MAF: variants seen among roughly 807,000 people sequenced by gnomAD.
The protein encoded by MAF is transcription factor Maf.
A neutral mutation model predicts 22.0 loss-of-function variants in MAF; 10 were observed. The observed-to-expected ratio is 0.45, with a 90% CI of 0.28 to 0.77. MAF has a LOEUF of 0.77. MAF is among the 30% of genes least tolerant of loss of function. The pLI, the probability that MAF is intolerant of heterozygous loss-of-function variation, is 0.12. For synonymous variants in MAF, 337 were observed against 255.8 expected (o/e 1.32, Z -3.03); for missense variants, 544 against 548.4 (o/e 0.99, Z 0.08).
At chr16:79,218,615 G>A in the MAF span, among the ~76,000 whole-genome samples, 6 of 152,146 alleles carry the variant, frequency 3.9e-5, no homozygotes, top group Admixed American at 3.3e-4. Flanking sequence ...ATTTTAAACT[G>A]ATTTTCACAT....
At chr16:79,370,619 G>A in the MAF span, among the ~76,000 whole-genome samples, 1 of 152,186 alleles carries the variant, frequency 6.6e-6, no homozygotes, top group African/African-American at 2.4e-5. Context: ...AGGGTACAGA[G>A]GGATCATCCT....
the MAF span, among the ~76,000 whole-genome samples, chr16:79,272,689 T>C: frequency 6.6e-6 from 1 of 152,212 alleles, no homozygotes; most frequent in Non-Finnish European, 1.5e-5. Context: ...AAGCCATTCA[T>C]TCATTCATTT....
At chr16:79,439,942 T>C in the MAF span, among the ~76,000 whole-genome samples, 1 of 152,230 alleles carries the variant, frequency 6.6e-6, no homozygotes. Context: ...TTGCTTTTCT[T>C]TGTTTTGTTT....
At chr16:79,245,310 T>A in the MAF span, among the ~76,000 whole-genome samples, 1 of 151,942 alleles carries the variant, frequency 6.6e-6, no homozygotes, top group African/African-American at 2.4e-5. Flanking sequence ...ATTTTTGCAA[T>A]CTATCCATCT....
At chr16:79,398,826 G>C in the MAF span, among the ~76,000 whole-genome samples, 1 of 152,164 alleles carries the variant, frequency 6.6e-6, no homozygotes, top group Non-Finnish European at 1.5e-5. Context: ...ACTAGGTTCA[G>C]ATTCTCTCCC....
At chr16:79,218,386 G>A in the MAF span, among the ~76,000 whole-genome samples, 2 of 152,132 alleles carry the variant, frequency 1.3e-5, no homozygotes, top group Admixed American at 1.3e-4. Flanking sequence ...AGAACTAATG[G>A]TTCAATTAGC....
the MAF span, among the ~76,000 whole-genome samples, chr16:79,438,906 G>C: frequency 6.6e-6 from 1 of 152,164 alleles, no homozygotes; most frequent in Non-Finnish European, 1.5e-5. Context: ...CGTCCAGGGA[G>C]GTAGGTAGAA....
chr16:79,268,995 T>G, the MAF span, among the ~76,000 whole-genome samples: 1 of 152,370 alleles, frequency 6.6e-6, no homozygotes, highest in African/African-American at 2.4e-5. Context: ...CAGCTGTGGC[T>G]TGCTCATAGT....
the MAF span, among the ~76,000 whole-genome samples, chr16:79,305,051 G>T: frequency 6.6e-6 from 1 of 152,190 alleles, no homozygotes; most frequent in Admixed American, 6.5e-5. Context: ...TACAAAGAGC[G>T]GCCTACAGAA....
chr16:79,570,346 C>T, the MAF span, among the ~76,000 whole-genome samples: 2 of 150,768 alleles, frequency 1.3e-5, no homozygotes, highest in Admixed American at 1.3e-4. Flanking sequence ...TCTCCCCAGT[C>T]TTTCAGATTC....
chr16:79,370,855 G>T, the MAF span, among the ~76,000 whole-genome samples: 2 of 152,076 alleles, frequency 1.3e-5, no homozygotes, highest in Non-Finnish European at 2.9e-5. Flanking sequence ...TAGTGGTGTG[G>T]TTGTCTTTCT....
the MAF span, among the ~76,000 whole-genome samples, chr16:79,544,131 G>T: frequency 6.6e-6 from 1 of 151,682 alleles, no homozygotes; most frequent in Non-Finnish European, 1.5e-5. Flanking sequence ...GGTCAACCGT[G>T]GGGGGGAAAG....
the MAF span, among the ~76,000 whole-genome samples, chr16:79,531,764 C>T: frequency 1.3e-3 from 199 of 152,268 alleles, no homozygotes; most frequent in South Asian, 6.0e-3. Context: ...CACCCACGCA[C>T]TCATCACTCT....
chr16:79,374,264 C>T, the MAF span, among the ~76,000 whole-genome samples: 3 of 152,144 alleles, frequency 2.0e-5, no homozygotes, highest in Non-Finnish European at 2.9e-5. Context: ...TTAATGGTGC[C>T]ATTTTCCTCT....
chr16:79,394,089 G>A, the MAF span, among the ~76,000 whole-genome samples: 2 of 152,176 alleles, frequency 1.3e-5, no homozygotes, highest in East Asian at 1.9e-4. Flanking sequence ...GTTCTTCACC[G>A]TCATTCTCTG....
At chr16:79,523,275 C>T in the MAF span, among the ~76,000 whole-genome samples, 1 of 152,278 alleles carries the variant, frequency 6.6e-6, no homozygotes, top group East Asian at 1.9e-4. Context: ...AGGGCATATC[C>T]TTCTGTAACT....
chr16:79,224,054 C>CA, the MAF span, among the ~76,000 whole-genome samples: 3 of 151,978 alleles, frequency 2.0e-5, no homozygotes, highest in Non-Finnish European at 2.9e-5. Flanking sequence ...AGAGACACAA[C>CA]AAAAAAAGAA....
At chr16:79,207,877 C>G in the MAF span, among the ~76,000 whole-genome samples, 1 of 151,958 alleles carries the variant, frequency 6.6e-6, no homozygotes, top group South Asian at 2.1e-4. Context: ...TCTGTGCTGA[C>G]AACTATAAAT....
At chr16:79,559,788 T>C in the MAF span, among the ~76,000 whole-genome samples, 16 of 152,364 alleles carry the variant, frequency 1.1e-4, no homozygotes, top group African/African-American at 2.6e-4. Flanking sequence ...TATCAATTTA[T>C]TGTTTAGCTA....
Sources: allele counts gnomAD v4.1 joint callset (sites outside exome capture counted in the v4.1 genomes callset), GRCh38; gene constraint gnomAD v4.1.1; transcripts MANE v1.5; gene names NCBI Gene and HGNC (gene_info 2026-07-23, HGNC 2026-07-21).